Variants in ERCC8 observed in about 807,000 individuals in gnomAD.
ERCC8 encodes ERCC excision repair 8, CSA ubiquitin ligase complex subunit, also known as DNA excision repair protein ERCC-8.
Under a neutral mutation model 54.9 loss-of-function variants are expected in ERCC8, and 52 were observed. The observed-to-expected ratio is 0.95, with a 90% CI of 0.76 to 1.19. ERCC8 has a LOEUF of 1.19. Among genes scored for constraint, ERCC8 ranks in the 50% most tolerant of loss-of-function variants. The pLI is 0.00. For synonymous variants in ERCC8, 146 were observed against 157.2 expected (o/e 0.93, Z 0.53); for missense variants, 514 against 466.1 (o/e 1.10, Z -0.95).
At chr5:60,880,510 T>G (rs927274614) in intron 11 of ERCC8, among the ~76,000 whole-genome samples, 1 of 152,164 alleles carries the variant, frequency 6.6e-6, no homozygotes, top group Non-Finnish European at 1.5e-5. Context: ...ACCAATCAGA[T>G]GTAGATTTGG....
chr5:60,885,220 C>T (rs552785495), intron 11 of ERCC8, among the ~76,000 whole-genome samples: 42 of 152,012 alleles, frequency 2.8e-4, no homozygotes, highest in Middle Eastern at 6.8e-3. Flanking sequence ...TTCTATGTTG[C>T]GTAGGCTGGT....
In ERCC8 at chr5:60,902,469, C is replaced by A; in HGVS notation, c.590G>T (p.Arg197Leu). ...TGCTGTTGCCAAGATATAGTCATAA[C>A]GTGGAGACCAGGAAACTGCTAATAT... ...QEILAVSWSP[R>L]YDYILATASA... The change falls in exon 7 of 12, where the codon CGT becomes CTT. Residue 197 changes from arginine to leucine, a missense_variant. Transcript: ENST00000676185. 1 of 1,612,278 alleles carries A rather than the reference C, an allele frequency of 6.2e-7. No individual in the cohort carries two copies. Among genetic ancestry groups the A allele is most frequent in the South Asian group, 1.1e-5 (1 of 90,966 alleles).
intron 4 of ERCC8, among the ~76,000 whole-genome samples, chr5:60,910,926 T>C (rs1392784477): frequency 2.6e-5 from 4 of 152,158 alleles, no homozygotes; most frequent in African/African-American, 9.6e-5. Flanking sequence ...ATGAGGATAA[T>C]GCAAAGGGAA....
rs1457317123 is a variant in ERCC8 at position 60,872,313 on chromosome 5, T to C, written c.*2302A>G. Reference sequence around the variant, plus strand: ...GCACAAGTACAGAAATGAAATTACATGAAACTAAAAAGCTTCTGCACAGCA... The same window carrying C: ...GCACAAGTACAGAAATGAAATTACACGAAACTAAAAAGCTTCTGCACAGCA... On this transcript the variant is annotated 3_prime_UTR_variant, in exon 12 of 12. Transcript: ENST00000676185. Among the ~76,000 whole-genome samples the C allele has an allele frequency of 6.6e-6, 1 of 152,074 alleles. No individual in the cohort carries two copies. The highest frequency in any genetic ancestry group is 2.4e-5 in the African/African-American group (1 of 41,406).
chr5:60,902,706 T>C (rs1202735783), intron 6 of ERCC8, among the ~76,000 whole-genome samples, 198 bp from the exon 7 acceptor site: 1 of 152,066 alleles, frequency 6.6e-6, no homozygotes, highest in African/African-American at 2.4e-5. Flanking sequence ...CATATGGTAT[T>C]TTATTGTAAA....
At position 60,871,115 on chromosome 5, in the gene ERCC8, A is replaced by G. The variant is rs182100144; in HGVS notation, c.*3500T>C. Among the ~76,000 whole-genome samples the G allele has an allele frequency of 3.6e-4, 54 of 152,008 alleles. No individual in the cohort carries two copies. The highest frequency in any genetic ancestry group is 9.7e-4 in the African/African-American group (40 of 41,390). ...CAGCTAAACTATCATTTCAGAGGGG[A>G]AAAAAAAGATGATATTCAACAACTA... On this transcript the variant is annotated 3_prime_UTR_variant, in exon 12 of 12. Coordinates refer to ENST00000676185, the MANE Select transcript of ERCC8 (RefSeq NM_000082.4).
chr5:60,926,800 G>C lies in ERCC8; in HGVS notation c.173+2064C>G, dbSNP rs530176676. 2.0e-5 allele frequency among the ~76,000 whole-genome samples: 3 copies of C among 152,250 alleles called. No homozygotes were observed. In the East Asian group the frequency reaches 5.8e-4, roughly 29 times the overall value. On this transcript the variant is annotated intron_variant, in intron 2 of 11. Coordinates refer to ENST00000676185, the MANE Select transcript of ERCC8 (RefSeq NM_000082.4). ...ACGTTGCTTTTCTTGCCATACAGAT[G>C]TATTATCAATATAAAACAAAATTAT...
At chr5:60,899,255 A>G (rs866361043) in intron 8 of ERCC8, among the ~76,000 whole-genome samples, 1 of 151,978 alleles carries the variant, frequency 6.6e-6, no homozygotes, top group Non-Finnish European at 1.5e-5. Context: ...CATTTAACAC[A>G]ATTTTATGTT....
At chr5:60,905,331 C>T (rs1415444872) in intron 4 of ERCC8, among the ~76,000 whole-genome samples, 1 of 152,198 alleles carries the variant, frequency 6.6e-6, no homozygotes, top group Non-Finnish European at 1.5e-5. Flanking sequence ...CAGCTTTTCC[C>T]CCTCCAAATA....
chr5:60,887,511 T>A lies in ERCC8; in HGVS notation c.1051A>T (p.Ser351Cys). The A allele has an allele frequency of 6.2e-7, 1 of 1,613,374 alleles. No homozygotes were observed. The highest frequency in any genetic ancestry group is 1.1e-5 in the South Asian group (1 of 91,066). The part of the protein sequence containing the change: ...VFQSNFQELY[S>C]GSRDCNILAW... ...AGAATGTTGCAGTCTCTGCTACCAC[T>A]ATAAAGTTCCTATAACATAGAAGGC... The change falls in exon 11 of 12, where the codon AGT (serine) becomes TGT (cysteine). Residue 351 changes from serine to cysteine, a missense_variant. Physicochemically the swap from Ser to Cys is moderately radical, Grantham distance 112. Coordinates refer to ENST00000676185, the MANE Select transcript of ERCC8 (RefSeq NM_000082.4).
chr5:60,874,895 C>T (rs1037112152), intron 11 of ERCC8, among the ~76,000 whole-genome samples: 8 of 152,196 alleles, frequency 5.3e-5, no homozygotes, highest in African/African-American at 1.7e-4. Context: ...CAACACCAGA[C>T]TTTATCCAAA....
chr5:60,878,103 G>A (rs1167937584), intron 11 of ERCC8, among the ~76,000 whole-genome samples: 1 of 152,126 alleles, frequency 6.6e-6, no homozygotes, highest in African/African-American at 2.4e-5. Context: ...TTTGTCAAAC[G>A]CCTTTTCTGC....
intron 1 of ERCC8, among the ~76,000 whole-genome samples, chr5:60,944,354 A>G (rs1335706450): frequency 6.6e-6 from 1 of 152,100 alleles, no homozygotes; most frequent in Non-Finnish European, 1.5e-5. Context: ...CCCATTCTCC[A>G]AGCAGAAAAC....
chr5:60,918,316 T>C lies in ERCC8; in HGVS notation c.348A>G (p.Thr116=), dbSNP rs752819668. The change falls in exon 4 of 12, where the codon ACA becomes ACG. Residue 116 remains threonine (T), a synonymous_variant. Coordinates refer to ENST00000676185, the MANE Select transcript of ERCC8 (RefSeq NM_000082.4). Reference sequence around the variant, plus strand: ...TCAGAGTTTTATCAAATGAGCTTGATGTGAACATGCCAGTGTCATGAGGAT... The same window carrying C: ...TCAGAGTTTTATCAAATGAGCTTGACGTGAACATGCCAGTGTCATGAGGAT... The part of the protein sequence containing the change: ...QWYPHDTGMF[T]SSSFDKTLKV... 2.5e-6 allele frequency: 4 copies of C among 1,594,188 alleles called. No homozygotes were observed. In the East Asian group the frequency reaches 6.7e-5, roughly 27 times the overall value.
At chr5:60,890,559 T>C (rs1748516500) in intron 10 of ERCC8, among the ~76,000 whole-genome samples, 1 of 152,222 alleles carries the variant, frequency 6.6e-6, no homozygotes, top group Non-Finnish European at 1.5e-5. Context: ...TATTTTATGA[T>C]TAAATGCCTA....
intron 10 of ERCC8, among the ~76,000 whole-genome samples, chr5:60,889,371 G>T (rs1466600731): frequency 6.6e-6 from 1 of 152,144 alleles, no homozygotes; most frequent in African/African-American, 2.4e-5. Context: ...GGAGTGCAGT[G>T]GTGTGAACAC....
At chr5:60,944,846 T>G in intron 1 of ERCC8, 86 bp downstream of exon 1, 4 of 986,626 alleles carry the variant, frequency 4.1e-6, no homozygotes, top group Non-Finnish European at 6.6e-6. Context: ...AGGAGAGCGA[T>G]GAGACGGGAA....
chr5:60,901,876 T>C (rs1260477810), intron 7 of ERCC8, among the ~76,000 whole-genome samples: 1 of 152,066 alleles, frequency 6.6e-6, no homozygotes, highest in African/African-American at 2.4e-5. Flanking sequence ...CTCTCAGAGT[T>C]AAGTGATCCT....
chr5:60,926,071 C>T (rs561526122), intron 2 of ERCC8, among the ~76,000 whole-genome samples: 9 of 152,172 alleles, frequency 5.9e-5, no homozygotes, highest in South Asian at 4.2e-4. Flanking sequence ...GTAATCCGCC[C>T]GCCTCGGCCT....
Sources: allele counts gnomAD v4.1 joint callset (sites outside exome capture counted in the v4.1 genomes callset), GRCh38; gene constraint gnomAD v4.1.1; transcripts MANE v1.5; gene names NCBI Gene and HGNC (gene_info 2026-07-23, HGNC 2026-07-21).